Variants in NUAK2 observed in about 807,000 individuals in gnomAD.
NUAK2 encodes the protein NUAK family SNF1-like kinase 2.
A neutral mutation model predicts 29.8 loss-of-function variants in NUAK2; 20 were observed. The ratio of observed to expected loss-of-function variants is 0.67; its 90% CI spans 0.47 to 0.98. NUAK2 has a LOEUF of 0.98. Among genes scored for constraint, NUAK2 ranks in the 50% least tolerant of loss-of-function variants. The pLI, the probability that NUAK2 is intolerant of heterozygous loss-of-function variation, is 0.00. For missense variants in NUAK2, 719 were observed against 834.5 expected (o/e 0.86, Z 1.71); for synonymous variants, 331 against 342.6 (o/e 0.97, Z 0.37).
In NUAK2 at chr1:205,304,316, G is replaced by T. The variant is rs756497760; in HGVS notation, c.1021C>A (p.Arg341Ser). Residue 341 changes from arginine to serine, a missense_variant, in exon 7 of 7, where the codon CGC (arginine) becomes AGC (serine). By Grantham distance (110) the Arg-to-Ser change is moderately radical. This residue lies in a region of NUAK2 where 430 missense variants were observed against 465.7 expected (regional missense o/e 0.92). Transcript: ENST00000367157. This position sits in a 1 kb window ranked among gnomAD's most constrained non-coding sequence, Gnocchi z 6.5. The stretch of plus-strand genomic sequence containing the variant: ...TTGGCCCCATTCTCCAGGAGGGGGC[G>T]GGAGGAACGCCGGAGCCAGTCAGCC... ...SMADWLRRSSRPLLENGAKVC... is the reference protein window; with the variant it reads ...SMADWLRRSSSPLLENGAKVC... 3 of 1,610,410 alleles carry T rather than the reference G, an allele frequency of 1.9e-6. No individual in the cohort carries two copies. The highest frequency in any genetic ancestry group is 2.5e-6 in the Non-Finnish European group (3 of 1,177,630).
Position 205,305,221 on chromosome 1 carries a change from G to A in NUAK2, c.801C>T (p.Tyr267=). 1 of 1,614,170 alleles carries A rather than the reference G, an allele frequency of 6.2e-7. No homozygotes were observed. The part of the protein sequence containing the change: ...ILVKQISNGA[Y]REPPKPSDAC... ...CACCAGAGGGTTTAGGTGGCTCCCG[G>A]TAGGCCCCGTTGCTGATCTGTTTCA... The change falls in exon 6 of 7, where the codon TAC becomes TAT. Residue 267 remains tyrosine (Y), a synonymous_variant. Transcript: ENST00000367157.
chr1:205,321,096 C>T (rs112824093), intron 1 of NUAK2, among the ~76,000 whole-genome samples: 2 of 152,244 alleles, frequency 1.3e-5, no homozygotes, highest in Non-Finnish European at 2.9e-5. Flanking sequence ...TCCATCTTAT[C>T]CCAGGACACG....
intron 1 of NUAK2, among the ~76,000 whole-genome samples, chr1:205,314,224 C>T (rs909136202): frequency 3.9e-5 from 6 of 152,224 alleles, no homozygotes; most frequent in Non-Finnish European, 8.8e-5. Flanking sequence ...ACTCCTCCCC[C>T]AGAGCTTCAT....
Position 205,305,333 on chromosome 1 carries a change from T to A in NUAK2, c.691-2A>T. On this transcript the variant is annotated splice_acceptor_variant, in intron 5 of 6. Transcript: ENST00000367157. LOFTEE classifies it high-confidence loss of function. ...AACACCCAGGGACCAGCTGTCCACCTGAGAGAGATGGGGGAGGTCAGCAGG... is the reference window on the plus strand; with the variant it reads ...AACACCCAGGGACCAGCTGTCCACCAGAGAGAGATGGGGGAGGTCAGCAGG... The A allele has an allele frequency of 6.2e-7, 1 of 1,613,080 alleles. No homozygotes were observed. Among genetic ancestry groups the A allele is most frequent in the Non-Finnish European group, 8.5e-7 (1 of 1,179,572 alleles).
intron 1 of NUAK2, among the ~76,000 whole-genome samples, chr1:205,314,339 C>G (rs1662296647): frequency 6.6e-6 from 1 of 152,238 alleles, no homozygotes; most frequent in Non-Finnish European, 1.5e-5. Flanking sequence ...CCCCAAGATG[C>G]TGAAGAGGCC....
At chr1:205,311,641 G>A (rs1053383924) in intron 2 of NUAK2, 64 bp downstream of exon 2, 49 of 1,579,442 alleles carry the variant, frequency 3.1e-5, no homozygotes, top group African/African-American at 2.3e-4. Context: ...ATGTACATAC[G>A]CATGTGAACA....
At chr1:205,312,871 T>G (rs771841558) in intron 1 of NUAK2, among the ~76,000 whole-genome samples, 2 of 152,168 alleles carry the variant, frequency 1.3e-5, no homozygotes, top group African/African-American at 4.8e-5. Context: ...GAATAGAATA[T>G]TATTCAACCA....
chr1:205,308,164 C>T lies in NUAK2; in HGVS notation c.570+1G>A. 1.2e-6 allele frequency: 2 copies of T among 1,600,860 alleles called. No individual in the cohort carries two copies. The highest frequency in any genetic ancestry group is 1.7e-6 in the Non-Finnish European group (2 of 1,171,344). ...TTCTAGAAATAAGAAGTGGGACTCA[C>T]CTTGATATTCCCATTGGCATCCAAG... is the stretch of plus-strand genomic sequence containing the variant. On this transcript the variant is annotated splice_donor_variant, in intron 4 of 6. Coordinates refer to ENST00000367157, the MANE Select transcript of NUAK2 (RefSeq NM_030952.3). LOFTEE classifies it high-confidence loss of function. The surrounding 1 kb of genome is among the most constrained non-coding windows in gnomAD (Gnocchi z 4.1).
rs1366738707 is a variant in NUAK2 at position 205,321,647 on chromosome 1, A to C, written c.-19T>G. 7 of 1,599,312 alleles carry C rather than the reference A, an allele frequency of 4.4e-6. No individual in the cohort carries two copies. The highest frequency in any genetic ancestry group is 6.0e-6 in the Non-Finnish European group (7 of 1,175,844). On this transcript the variant is annotated 5_prime_UTR_variant, in exon 1 of 7. Transcript: ENST00000367157. Reference sequence around the variant, plus strand: ...ACTCCATGGCGAGCAGGAGGTGAGCAAGGGCGGCAGGGGAATCAGTAGGCT... The same window carrying C: ...ACTCCATGGCGAGCAGGAGGTGAGCCAGGGCGGCAGGGGAATCAGTAGGCT...
In NUAK2 at chr1:205,304,573, C is replaced by G; in HGVS notation, c.824-60G>C. ...GCTCCCAGAATAGGCACTCCCTGTC[C>G]CCTGTCCCCAGCTCATCCCCTTTTG... On this transcript the variant is annotated intron_variant, in intron 6 of 6. Coordinates refer to ENST00000367157, the MANE Select transcript of NUAK2 (RefSeq NM_030952.3). The surrounding 1 kb of genome is among the most constrained non-coding windows in gnomAD (Gnocchi z 6.5). 3.0e-6 allele frequency: 4 copies of G among 1,347,856 alleles called. No individual in the cohort carries two copies. The highest frequency in any genetic ancestry group is 4.0e-6 in the Non-Finnish European group (4 of 1,003,938). The allele number at this position is 1,347,856 out of a possible 1,614,324, so 83.5% of individuals were successfully genotyped here. A position where few individuals can be genotyped will look rare whatever the true frequency, so the allele number is the denominator to read the frequency against.
At chr1:205,311,011 C>T (rs573024714) in intron 2 of NUAK2, among the ~76,000 whole-genome samples, 1 of 152,336 alleles carries the variant, frequency 6.6e-6, no homozygotes, top group African/African-American at 2.4e-5. Context: ...TCTCATCTAA[C>T]TGATATTATG....
Position 205,304,277 on chromosome 1 carries a change from A to C in NUAK2, c.1060T>G (p.Phe354Val). 6.2e-7 allele frequency: 1 copy of C among 1,613,834 alleles called. No homozygotes were observed. The highest frequency in any genetic ancestry group is 1.7e-5 in the Admixed American group (1 of 59,994). The change falls in exon 7 of 7, where the codon TTC becomes GTC. Residue 354 changes from phenylalanine (F) to valine (V), a missense_variant. By Grantham distance (50) the Phe-to-Val change is conservative (BLOSUM62 -1). This residue lies in a region of NUAK2 where 430 missense variants were observed against 465.7 expected (regional missense o/e 0.92). Coordinates refer to ENST00000367157, the MANE Select transcript of NUAK2 (RefSeq NM_030952.3). This position sits in a 1 kb window ranked among gnomAD's most constrained non-coding sequence, Gnocchi z 6.5. ...LENGAKVCSFFKQHAPGGGST... is the reference protein window; with the variant it reads ...LENGAKVCSFVKQHAPGGGST... ...CCCCCACCAGGTGCATGCTGCTTGA[A>C]GAAGCTGCACACCTTGGCCCCATTC...
At chr1:205,306,337 G>A (rs760268576) in intron 4 of NUAK2, 30 bp from the exon 5 acceptor site, 2 of 1,593,558 alleles carry the variant, frequency 1.3e-6, no homozygotes, top group East Asian at 4.5e-5. Context: ...ACGGGCACAG[G>A]TCATGTCAAG....
intron 4 of NUAK2, among the ~76,000 whole-genome samples, chr1:205,306,987 A>G (rs1313819991): frequency 6.6e-6 from 1 of 152,240 alleles, no homozygotes; most frequent in African/African-American, 2.4e-5. Context: ...GGGTCAGCCC[A>G]ATATAGCTAA....
At chr1:205,313,799 G>A (rs1353433273) in intron 1 of NUAK2, among the ~76,000 whole-genome samples, 1 of 151,774 alleles carries the variant, frequency 6.6e-6, no homozygotes, top group Non-Finnish European at 1.5e-5. Context: ...GGAGCTGGGT[G>A]GGGGTGGGGT....
chr1:205,317,701 G>C (rs893368743), intron 1 of NUAK2, among the ~76,000 whole-genome samples: 2 of 152,218 alleles, frequency 1.3e-5, no homozygotes, highest in Non-Finnish European at 2.9e-5. Context: ...CCTCCCTGCC[G>C]CTTAGCAGGC....
chr1:205,319,744 C>A (rs1023133609), intron 1 of NUAK2, among the ~76,000 whole-genome samples: 1 of 152,182 alleles, frequency 6.6e-6, no homozygotes, highest in Non-Finnish European at 1.5e-5. Flanking sequence ...GGGGACTGTG[C>A]CAGGCGATAG....
At chr1:205,312,113 T>G (rs1425030490) in intron 1 of NUAK2, among the ~76,000 whole-genome samples, 1 of 152,240 alleles carries the variant, frequency 6.6e-6, no homozygotes, top group Non-Finnish European at 1.5e-5. Flanking sequence ...AACCTGCATT[T>G]GCAAGGCTGA....
At chr1:205,312,642 A>C (rs1438893350) in intron 1 of NUAK2, among the ~76,000 whole-genome samples, 1 of 152,166 alleles carries the variant, frequency 6.6e-6, no homozygotes, top group Non-Finnish European at 1.5e-5. Context: ...TCTGTACAAA[A>C]AATTCAAAAT....
Sources: gnomAD v4.1 joint callset for allele counts (sites outside exome capture counted in the v4.1 genomes callset) on GRCh38, gnomAD v4.1.1 for gene constraint, gnomAD v4.1.1 regional missense constraint, Gnocchi (gnomAD v3.1) non-coding constraint, MANE v1.5 for transcripts, NCBI Gene and HGNC (gene_info 2026-07-23, HGNC 2026-07-21) for gene names.